NXPH1: variants seen among roughly 807,000 people sequenced by gnomAD.
NXPH1 encodes neurexophilin 1, also known as neurexophilin-1.
A neutral mutation model predicts 23.7 loss-of-function variants in NXPH1; 5 were observed. That is an observed-to-expected ratio of 0.21 (90% confidence interval 0.11 to 0.44). The LOEUF is 0.44. NXPH1 is among the 20% of genes least tolerant of loss of function. NXPH1 has a pLI of 0.99. For missense variants in NXPH1, 324 were observed against 321.6 expected, an observed-to-expected ratio of 1.01 and a Z score of -0.06; for synonymous variants, 144 against 122.2, an observed-to-expected ratio of 1.18 and a Z score of -1.18.
intron 2 of NXPH1, among the ~76,000 whole-genome samples, chr7:8,525,907 G>A (rs1817853942): frequency 6.6e-6 from 1 of 152,364 alleles, no homozygotes. Flanking sequence ...TAAGAGAAAT[G>A]TGGGGTTGGA....
intron 2 of NXPH1, among the ~76,000 whole-genome samples, chr7:8,652,761 C>T (rs933135984): frequency 1.3e-5 from 2 of 152,114 alleles, no homozygotes; most frequent in South Asian, 2.1e-4. Flanking sequence ...AGAGGTGATG[C>T]TTTTTATCCT....
At chr7:8,599,894 T>A (rs1222485679) in intron 2 of NXPH1, among the ~76,000 whole-genome samples, 2 of 151,798 alleles carry the variant, frequency 1.3e-5, no homozygotes, top group East Asian at 3.9e-4. Flanking sequence ...TATTTATGTA[T>A]CTTTCAGTCA....
At chr7:8,486,762 A>G (rs1817165696) in intron 2 of NXPH1, among the ~76,000 whole-genome samples, 1 of 151,924 alleles carries the variant, frequency 6.6e-6, no homozygotes, top group South Asian at 2.1e-4. Flanking sequence ...TGACCTCATA[A>G]TTTTTGGTGT....
intron 2 of NXPH1, among the ~76,000 whole-genome samples, chr7:8,697,085 G>A (rs985905388): frequency 4.7e-5 from 7 of 150,338 alleles, no homozygotes; most frequent in African/African-American, 1.2e-4. Context: ...TTGAGCCAGG[G>A]AGGCAGAGTT....
intron 2 of NXPH1, among the ~76,000 whole-genome samples, chr7:8,499,705 C>G (rs990571780): frequency 6.6e-6 from 1 of 152,032 alleles, no homozygotes; most frequent in Admixed American, 6.6e-5. Flanking sequence ...GCTAGACTCC[C>G]AGTGGTGAGG....
chr7:8,686,975 C>T (rs755376204), intron 2 of NXPH1, among the ~76,000 whole-genome samples: 3 of 151,908 alleles, frequency 2.0e-5, no homozygotes, highest in South Asian at 2.1e-4. Context: ...GAAGTTGTAC[C>T]GTTTGGCAAG....
At chr7:8,607,086 A>G (rs914385749) in intron 2 of NXPH1, among the ~76,000 whole-genome samples, 49 of 152,114 alleles carry the variant, frequency 3.2e-4, no homozygotes, top group African/African-American at 1.1e-3. Flanking sequence ...GGTTGGACTC[A>G]TATATATCCT....
intron 2 of NXPH1, among the ~76,000 whole-genome samples, chr7:8,576,344 A>G (rs967552765): frequency 2.6e-5 from 4 of 152,200 alleles, no homozygotes; most frequent in African/African-American, 7.2e-5. Flanking sequence ...GTGGCAATCA[A>G]TGCTATCTGA....
chr7:8,685,929 G>C (rs1821140361), intron 2 of NXPH1, among the ~76,000 whole-genome samples: 1 of 152,058 alleles, frequency 6.6e-6, no homozygotes, highest in African/African-American at 2.4e-5. Flanking sequence ...AATTGGATTG[G>C]TTGTAACACC....
intron 2 of NXPH1, among the ~76,000 whole-genome samples, chr7:8,738,704 C>T (rs1583255045): frequency 6.6e-6 from 1 of 152,202 alleles, no homozygotes; most frequent in African/African-American, 2.4e-5. Flanking sequence ...ACATTTAAGT[C>T]TGCCAAAGCT....
chr7:8,633,583 A>G (rs961625474), intron 2 of NXPH1, among the ~76,000 whole-genome samples: 3 of 152,240 alleles, frequency 2.0e-5, no homozygotes, highest in Non-Finnish European at 4.4e-5. Context: ...ATCTTCTAAC[A>G]TTCATTTATA....
At chr7:8,547,015 T>A (rs75234364) in intron 2 of NXPH1, among the ~76,000 whole-genome samples, 3,805 of 151,526 alleles carry the variant, frequency 0.025, 70 homozygotes, top group Middle Eastern at 0.061. Context: ...AATTGGGAAG[T>A]AGGAGTACTC....
intron 2 of NXPH1, among the ~76,000 whole-genome samples, chr7:8,686,420 C>G (rs954266134): frequency 4.6e-5 from 7 of 152,114 alleles, no homozygotes; most frequent in African/African-American, 1.7e-4. Flanking sequence ...AAACAAATTA[C>G]ATGCAAATAA....
At chr7:8,632,269 A>G (rs976487304) in intron 2 of NXPH1, among the ~76,000 whole-genome samples, 2 of 152,200 alleles carry the variant, frequency 1.3e-5, no homozygotes, top group Non-Finnish European at 2.9e-5. Context: ...TTTAGCTTGA[A>G]GCAAGATTGA....
intron 2 of NXPH1, among the ~76,000 whole-genome samples, chr7:8,697,555 C>T (rs1779554505): frequency 6.6e-6 from 1 of 152,106 alleles, no homozygotes. Context: ...GAGATTTTAA[C>T]CTGAACAACT....
chr7:8,573,270 G>GT (rs1460289799), intron 2 of NXPH1, among the ~76,000 whole-genome samples: 3 of 151,880 alleles, frequency 2.0e-5, no homozygotes, highest in Non-Finnish European at 4.4e-5. Context: ...CTAACTTTGG[G>GT]TTTTTATGTA....
intron 2 of NXPH1, among the ~76,000 whole-genome samples, chr7:8,736,292 T>C (rs143763611): frequency 0.012 from 1,805 of 152,324 alleles, 13 homozygotes; most frequent in Non-Finnish European, 0.019. Flanking sequence ...CTCTAAACAC[T>C]GCTTTAGCTG....
intron 2 of NXPH1, among the ~76,000 whole-genome samples, chr7:8,514,040 C>T (rs1340123574): frequency 2.0e-5 from 3 of 152,182 alleles, no homozygotes; most frequent in Admixed American, 2.0e-4. Flanking sequence ...CTCTCTGTGT[C>T]CCAATTGTTC....
chr7:8,723,816 A>G (rs1780005830), intron 2 of NXPH1, among the ~76,000 whole-genome samples: 1 of 151,868 alleles, frequency 6.6e-6, no homozygotes, highest in South Asian at 2.1e-4. Context: ...GGATTCCAGG[A>G]AGGGGAAGCA....
Sources: gnomAD v4.1 joint callset for allele counts (sites outside exome capture counted in the v4.1 genomes callset) on GRCh38, gnomAD v4.1.1 for gene constraint, MANE v1.5 for transcripts, NCBI Gene and HGNC (gene_info 2026-07-23, HGNC 2026-07-21) for gene names.